Variants in RPGR observed in about 807,000 individuals in gnomAD.
RPGR encodes X-linked retinitis pigmentosa GTPase regulator.
In RPGR, 10 loss-of-function variants were observed where a neutral mutation model predicts 56.3. The ratio of observed to expected loss-of-function variants is 0.18; its 90% CI spans 0.11 to 0.30. The LOEUF is 0.30. Among genes scored for constraint, RPGR ranks in the 10% least tolerant of loss-of-function variants. The probability of loss-of-function intolerance (pLI) is 1.00; values close to 1 mark genes in which losing one functional copy is unlikely to be tolerated. For missense variants in RPGR, 538 were observed against 590.9 expected (o/e 0.91, Z 0.93); for synonymous variants, 197 against 212.9 (o/e 0.93, Z 0.65).
intron 4 of RPGR, among the ~76,000 whole-genome samples, chrX:38,320,306 G>C (rs1389220032): frequency 3.6e-5 from 4 of 110,842 alleles, no homozygotes; most frequent in Non-Finnish European, 5.7e-5. Flanking sequence ...CAGGGGGAAG[G>C]TGGTAGGAAG....
rs1207525667 is a variant in RPGR, at chrX:38,317,327, G to C, written c.608C>G (p.Ala203Gly). ...AAAATGTGTCTTACTTGTTACAAAA[G>C]CTGAATGGTAATATCCACAAGAGAT... is the stretch of plus-strand genomic sequence containing the variant. Residue 203 changes from alanine to glycine, a missense_variant, in exon 6 of 19, where the codon GCT (alanine) becomes GGT (glycine). Ala to Gly is a moderately conservative substitution (Grantham distance 60). This residue lies in a region of RPGR where 181 missense variants were observed against 265.1 expected (regional missense o/e 0.68). Coordinates refer to ENST00000642395, the MANE Select transcript of RPGR (RefSeq NM_000328.3). 1 of 1,210,046 alleles carries C rather than the reference G, an allele frequency of 8.3e-7. No homozygotes were observed.
At chrX:38,310,539 A>T (rs1482912438) in intron 7 of RPGR, 76 bp downstream of exon 7, 10 of 988,794 alleles carry the variant, frequency 1.0e-5, no homozygotes, top group Non-Finnish European at 1.1e-5. Context: ...AAATGAACAT[A>T]AAAAAAATGA....
chrX:38,308,721 T>A (rs1236343476), intron 7 of RPGR, among the ~76,000 whole-genome samples: 1 of 111,664 alleles, frequency 9.0e-6, no homozygotes, highest in East Asian at 2.8e-4. Context: ...AAATTCACTT[T>A]TTCAGCAGGA....
At chrX:38,313,439 T>C (rs2067759502) in intron 6 of RPGR, among the ~76,000 whole-genome samples, 1 of 111,834 alleles carries the variant, frequency 8.9e-6, no homozygotes, top group Non-Finnish European at 1.9e-5. Context: ...GCCTGTAACA[T>C]GGGGATAAAA....
chrX:38,301,783 T>C (rs768466294), intron 8 of RPGR, among the ~76,000 whole-genome samples: 2 of 111,237 alleles, frequency 1.8e-5, no homozygotes, highest in African/African-American at 6.6e-5. Flanking sequence ...TTCTCAACCT[T>C]GGCATTATTG....
intron 15 of RPGR, chrX:38,285,732 G>T: frequency 8.3e-7 from 1 of 1,210,160 alleles, no homozygotes; most frequent in Non-Finnish European, 1.1e-6. Context: ...CTTTTATTTT[G>T]CTCACTTTTT....
chrX:38,305,746 AAAAATAAAAT>A (rs5902182), intron 7 of RPGR, among the ~76,000 whole-genome samples: 23,438 of 85,315 alleles, frequency 0.27, 3,258 homozygotes, highest in African/African-American at 0.47. Flanking sequence ...ACTCCATCTC[AAAAATAAAAT>A]AAAATAAAAT....
chrX:38,272,690 A>G (rs1386932746), intron 18 of RPGR: 1 of 112,023 alleles, frequency 8.9e-6, no homozygotes, highest in African/African-American at 3.2e-5. Flanking sequence ...CAGGTTATAT[A>G]CAAAGTTATC....
intron 1 of RPGR, among the ~76,000 whole-genome samples, chrX:38,324,421 C>G (rs2068005182): frequency 9.0e-6 from 1 of 110,656 alleles, no homozygotes; most frequent in African/African-American, 3.3e-5. Context: ...CTCTTAATTT[C>G]TCTGTTGGTA....
intron 6 of RPGR, among the ~76,000 whole-genome samples, chrX:38,311,383 T>C (rs1302455964): frequency 3.6e-5 from 4 of 112,391 alleles, no homozygotes; most frequent in African/African-American, 6.5e-5. Flanking sequence ...TGTGAACTTC[T>C]TGAAAGCAAG....
chrX:38,294,143 T>C (rs759127015), intron 11 of RPGR, among the ~76,000 whole-genome samples: 80 of 111,711 alleles, frequency 7.2e-4, no homozygotes, highest in Non-Finnish European at 1.2e-3. Flanking sequence ...ACCAAATCCA[T>C]TGGATACTTC....
In RPGR at chrX:38,297,312, T is replaced by C. The variant is rs1278930220; in HGVS notation, c.1386A>G (p.Glu462=). Residue 462 remains glutamate (E), a synonymous_variant, in exon 11 of 19, where the codon GAA becomes GAG. Coordinates refer to ENST00000642395, the MANE Select transcript of RPGR (RefSeq NM_000328.3). The stretch of plus-strand genomic sequence containing the variant: ...GTTCCTCTGGCTGCATGAGGTCCTG[T>C]TCAGATAAGACACTCTCTTGGAGGT... 1 of 1,210,702 alleles carries C rather than the reference T, an allele frequency of 8.3e-7. No homozygotes were observed. The highest frequency in any genetic ancestry group is 2.2e-5 in the Admixed American group (1 of 45,868).
chrX:38,291,819 T>C (rs989264714), intron 11 of RPGR, among the ~76,000 whole-genome samples: 8 of 112,404 alleles, frequency 7.1e-5, no homozygotes, highest in African/African-American at 2.6e-4. Context: ...TACAACGTCC[T>C]GGTGTTCATA....
chrX:38,297,852 T>C lies in RPGR; in HGVS notation c.1246-400A>G, dbSNP rs957985010. Among the ~76,000 whole-genome samples the C allele has an allele frequency of 3.2e-4, 36 of 112,421 alleles. 1 individual carries two copies. The highest frequency in any genetic ancestry group is 1.5e-4 in the Non-Finnish European group (8 of 53,343). The stretch of plus-strand genomic sequence containing the variant: ...TAACCTTTTTACTTCAAAAGAAATA[T>C]GCTGGCTATTACAAATAAAACTGCT... On this transcript the variant is annotated intron_variant, in intron 10 of 18. Coordinates refer to ENST00000642395, the MANE Select transcript of RPGR (RefSeq NM_000328.3).
chrX:38,321,155 T>C, intron 3 of RPGR, 66 bp from the exon 4 acceptor site: 5 of 813,656 alleles, frequency 6.1e-6, no homozygotes, highest in Non-Finnish European at 9.3e-6. Flanking sequence ...CCAGGACAAA[T>C]GGTAACTAAG....
At chrX:38,320,981 C>T in intron 4 of RPGR, 46 bp downstream of exon 4, 1 of 965,861 alleles carries the variant, frequency 1.0e-6, no homozygotes, top group Non-Finnish European at 1.5e-6. Context: ...AATGAGACCT[C>T]AGTTCTCAAA....
At chrX:38,313,088 T>C (rs2067752476) in intron 6 of RPGR, among the ~76,000 whole-genome samples, 1 of 111,215 alleles carries the variant, frequency 9.0e-6, no homozygotes, top group Non-Finnish European at 1.9e-5. Flanking sequence ...TACTTTTCTG[T>C]CTCTATATCT....
chrX:38,302,194 TTCAAGCCGCTCCA>T (rs1424155846), intron 8 of RPGR, among the ~76,000 whole-genome samples: 1 of 111,734 alleles, frequency 8.9e-6, no homozygotes, highest in Non-Finnish European at 1.9e-5. Flanking sequence ...CACTCCTTTC[TTCAAGCCGCTCCA>T]TCTCAACTGG....
rs2067222354 is a variant in RPGR at position 38,288,126 on chromosome X, T to C, written c.1573-85A>G. ...TTATCTACTTTAAATACTGCCAAGA[T>C]TTTACATTTTTATAAGTTTAGGAGA... On this transcript the variant is annotated intron_variant, in intron 13 of 18. Coordinates refer to ENST00000642395, the MANE Select transcript of RPGR (RefSeq NM_000328.3). The C allele has an allele frequency of 1.3e-5, 11 of 841,408 alleles. No homozygotes were observed. The South Asian group carries it at 2.4e-4, about 18-fold the overall frequency. The allele number at this position is 841,408 out of a possible 1,213,427, so 69.3% of individuals were successfully genotyped here.
Sources: gnomAD v4.1 joint callset for allele counts (sites outside exome capture counted in the v4.1 genomes callset) on GRCh38, gnomAD v4.1.1 for gene constraint, gnomAD v4.1.1 regional missense constraint, MANE v1.5 for transcripts, NCBI Gene and HGNC (gene_info 2026-07-23, HGNC 2026-07-21) for gene names.